CD109: variants seen among roughly 807,000 people sequenced by gnomAD.
CD109 encodes CD109 molecule.
Under a neutral mutation model 165.8 loss-of-function variants are expected in CD109, and 149 were observed. That is an observed-to-expected ratio of 0.90 (90% CI 0.79 to 1.03). CD109 has a LOEUF of 1.03. Ranked by LOEUF, CD109 falls within the 50% of genes least tolerant of loss-of-function variation. The probability of loss-of-function intolerance (pLI) is 0.00; values close to 1 mark genes in which losing one functional copy is unlikely to be tolerated. For synonymous variants in CD109, 585 were observed against 592.1 expected, an observed-to-expected ratio of 0.99 and a Z score of 0.18; for missense variants, 1,712 against 1,677.8, an observed-to-expected ratio of 1.02 and a Z score of -0.36.
At chr6:73,731,039 TTTTC>T (rs1422381532) in intron 4 of CD109, among the ~76,000 whole-genome samples, 8 of 152,148 alleles carry the variant, frequency 5.3e-5, no homozygotes, top group Middle Eastern at 3.4e-3. Context: ...GTGTTTGCTA[TTTTC>T]TTTCTTTCTT....
At chr6:73,765,879 A>T in intron 10 of CD109, 51 bp from the exon 11 acceptor site, 2 of 1,285,352 alleles carry the variant, frequency 1.6e-6, no homozygotes, top group East Asian at 2.3e-5. Context: ...AACTGTATTT[A>T]ATCGTACTTA....
intron 23 of CD109, among the ~76,000 whole-genome samples, chr6:73,794,140 G>A (rs1775070285): frequency 6.6e-6 from 1 of 152,112 alleles, no homozygotes; most frequent in Non-Finnish European, 1.5e-5. Flanking sequence ...CTGTTTAAAT[G>A]TTTTATGCAT....
In CD109 at chr6:73,827,528, A is replaced by G. The variant is rs997412566; in HGVS notation, c.*3895A>G. 9.2e-5 allele frequency: 14 copies of G among 152,096 alleles called. No homozygotes were observed. The highest frequency in any genetic ancestry group is 9.2e-4 in the Admixed American group (14 of 15,250). The allele number at this position is 152,096 out of a possible 1,614,324, so 9.4% of individuals were successfully genotyped here. A position where few individuals can be genotyped will look rare whatever the true frequency, so the allele number is the denominator to read the frequency against. ...TACACTGGGAGTAATTTGAGGTGCA[A>G]TTATTTTTATTACTACTTTGAATAG... is the stretch of plus-strand genomic sequence containing the variant. On this transcript the variant is annotated 3_prime_UTR_variant, in exon 33 of 33. Coordinates refer to ENST00000287097, the MANE Select transcript of CD109 (RefSeq NM_133493.5).
Position 73,807,021 on chromosome 6 carries a change from A to G in CD109, c.3138A>G (p.Val1046=). The part of the protein sequence containing the change: ...SELQGGNKSP[V]TLTAYIVTSL... ...TTCAAGGTGGCAATAAAAGTCCAGT[A>G]ACACTTACAGCCTATATTGTAACTT... The change falls in exon 25 of 33, where the codon GTA becomes GTG. Residue 1046 remains valine, a synonymous_variant. Transcript: ENST00000287097. The G allele has an allele frequency of 3.7e-6, 6 of 1,614,012 alleles. No individual in the cohort carries two copies. Among genetic ancestry groups the G allele is most frequent in the Non-Finnish European group, 5.1e-6 (6 of 1,179,924 alleles).
intron 4 of CD109, among the ~76,000 whole-genome samples, chr6:73,731,834 G>T (rs572581041): frequency 1.3e-5 from 2 of 152,282 alleles, no homozygotes; most frequent in South Asian, 4.1e-4. Context: ...GATAATTCAA[G>T]TAAACCATTT....
At chr6:73,741,117 A>G (rs769695943) in intron 5 of CD109, among the ~76,000 whole-genome samples, 3 of 150,304 alleles carry the variant, frequency 2.0e-5, no homozygotes, top group Non-Finnish European at 3.0e-5. Context: ...TTTTTTTACA[A>G]TGCTAGTTTA....
At position 73,826,767 on chromosome 6, in the gene CD109, G is replaced by A. The variant is rs1343029424; in HGVS notation, c.*3134G>A. Reference sequence around the variant, plus strand: ...TACCTAGGAGATGTTACTTACATATGTAATACTGTATCCTGCACGTGGAAA... The same window carrying A: ...TACCTAGGAGATGTTACTTACATATATAATACTGTATCCTGCACGTGGAAA... On this transcript the variant is annotated 3_prime_UTR_variant, in exon 33 of 33. Coordinates refer to ENST00000287097, the MANE Select transcript of CD109 (RefSeq NM_133493.5). 3.3e-5 allele frequency: 5 copies of A among 151,630 alleles called. No individual in the cohort carries two copies. Among genetic ancestry groups the A allele is most frequent in the Non-Finnish European group, 7.4e-5 (5 of 67,980 alleles). 9.4% of individuals were successfully genotyped at this position (151,630 alleles called of 1,614,324 possible).
At chr6:73,799,155 G>T (rs1198102812) in intron 23 of CD109, among the ~76,000 whole-genome samples, 1 of 152,100 alleles carries the variant, frequency 6.6e-6, no homozygotes, top group East Asian at 1.9e-4. Context: ...ATCCCTGGCT[G>T]CCTCTGAAAA....
intron 5 of CD109, among the ~76,000 whole-genome samples, chr6:73,741,833 G>T (rs1772795176): frequency 1.3e-5 from 2 of 152,062 alleles, no homozygotes; most frequent in Admixed American, 1.3e-4. Flanking sequence ...ATCATGTTCA[G>T]CTAATTTTTG....
the CD109 span, among the ~76,000 whole-genome samples, chr6:73,690,070 A>C: frequency 6.6e-6 from 1 of 152,172 alleles, no homozygotes; most frequent in Non-Finnish European, 1.5e-5. Flanking sequence ...TTGAATTTCT[A>C]AATTCCCTTC....
upstream of CD109, chr6:73,695,791 G>A (rs1562014725): frequency 4.7e-6 from 1 of 213,616 alleles, no homozygotes; most frequent in African/African-American, 2.4e-5. Context: ...TCACATAGTT[G>A]CTATGAATTT....
At chr6:73,720,606 A>G (rs1289868180) in intron 2 of CD109, among the ~76,000 whole-genome samples, 2 of 152,222 alleles carry the variant, frequency 1.3e-5, no homozygotes, top group African/African-American at 2.4e-5. Flanking sequence ...TACATCTATC[A>G]TCTATATGTC....
At chr6:73,689,977 A>T in the CD109 span, among the ~76,000 whole-genome samples, 1 of 152,224 alleles carries the variant, frequency 6.6e-6, no homozygotes, top group African/African-American at 2.4e-5. Context: ...CCATACTTAC[A>T]TCAACACAAC....
rs537366555 is a variant in CD109 at position 73,808,308 on chromosome 6, A to G, written c.3355+60A>G. 132 of 1,527,126 alleles carry G rather than the reference A, an allele frequency of 8.6e-5. No homozygotes were observed. The African/African-American group carries it at 1.5e-3, about 18-fold the overall frequency. 94.6% of individuals were successfully genotyped at this position (1,527,126 alleles called of 1,614,324 possible). ...TTATGAAATATATAACTTACATGAG[A>G]AAAATTTTTAGCCAGGTTTGAAATT... On this transcript the variant is annotated intron_variant, in intron 26 of 32. Transcript: ENST00000287097.
intron 24 of CD109, chr6:73,803,943 T>C (rs1775474193): frequency 6.6e-6 from 1 of 152,284 alleles, no homozygotes; most frequent in East Asian, 1.9e-4. Flanking sequence ...TTCTTGTTCA[T>C]GCTGCCTTTC....
chr6:73,760,870 C>A (rs950185648), intron 7 of CD109, among the ~76,000 whole-genome samples: 1 of 151,486 alleles, frequency 6.6e-6, no homozygotes, highest in Non-Finnish European at 1.5e-5. Context: ...ATAAAATTCG[C>A]TGGACGTGGT....
rs1776219812 is a variant in CD109 at position 73,824,731 on chromosome 6, A to G, written c.*1098A>G. On this transcript the variant is annotated 3_prime_UTR_variant, in exon 33 of 33. Coordinates refer to ENST00000287097, the MANE Select transcript of CD109 (RefSeq NM_133493.5). ...AGATCCCCGAATCCTGAGCACCTCA[A>G]TCTTTAATTGCCCTGTATTCCGAAG... 1 of 152,182 alleles carries G rather than the reference A, an allele frequency of 6.6e-6. No homozygotes were observed. Among genetic ancestry groups the G allele is most frequent in the Non-Finnish European group, 1.5e-5 (1 of 68,032 alleles). 9.4% of individuals were successfully genotyped at this position (152,182 alleles called of 1,614,324 possible).
chr6:73,781,385 G>T, intron 17 of CD109, 66 bp downstream of exon 17: 7 of 1,295,820 alleles, frequency 5.4e-6, no homozygotes, highest in Non-Finnish European at 7.8e-6. Context: ...ACTTATATAG[G>T]TATGGATATT....
chr6:73,690,924 T>A (rs975352049), upstream of CD109, among the ~76,000 whole-genome samples: 7 of 152,172 alleles, frequency 4.6e-5, no homozygotes, highest in Non-Finnish European at 5.9e-5. Flanking sequence ...GGTAAGACTG[T>A]AGCAGATTTT....
Sources: gnomAD v4.1 joint callset for allele counts (sites outside exome capture counted in the v4.1 genomes callset) on GRCh38, gnomAD v4.1.1 for gene constraint, MANE v1.5 for transcripts, NCBI Gene and HGNC (gene_info 2026-07-23, HGNC 2026-07-21) for gene names.